Variants in AUTS2 observed in about 807,000 individuals in gnomAD.
The protein encoded by AUTS2 is autism susceptibility gene 2 protein.
In AUTS2, 17 loss-of-function variants were observed where a neutral mutation model predicts 112.4. The observed-to-expected ratio is 0.15, with a 90% CI of 0.10 to 0.23. The LOEUF (loss-of-function observed/expected upper bound fraction) is 0.23. AUTS2 is among the 10% of genes least tolerant of loss of function. The pLI, the probability that AUTS2 is intolerant of heterozygous loss-of-function variation, is 1.00. For synonymous variants in AUTS2, 751 were observed against 702.7 expected (o/e 1.07, Z -1.09); for missense variants, 1,510 against 1,701.6 (o/e 0.89, Z 1.98).
chr7:70,791,267 G>T lies in AUTS2; in HGVS notation c.*271G>T. The stretch of plus-strand genomic sequence containing the variant: ...ACTTTTTGATTTGAACCAAAACAGT[G>T]AAGATGACAACACACACCAATTGGA... On this transcript the variant is annotated 3_prime_UTR_variant, in exon 19 of 19. Transcript: ENST00000342771. 1.6e-5 allele frequency: 3 copies of T among 191,342 alleles called. No homozygotes were observed. Among genetic ancestry groups the T allele is most frequent in the East Asian group, 2.1e-4 (2 of 9,542 alleles). 11.9% of individuals were successfully genotyped at this position (191,342 alleles called of 1,614,324 possible). A position where few individuals can be genotyped will look rare whatever the true frequency, so the allele number is the denominator to read the frequency against.
intron 1 of AUTS2, among the ~76,000 whole-genome samples, chr7:69,660,749 A>G (rs775344475): frequency 1.3e-5 from 2 of 152,134 alleles, no homozygotes; most frequent in African/African-American, 2.4e-5. Context: ...TGGCTAACAC[A>G]GTGAAAACCC....
intron 4 of AUTS2, among the ~76,000 whole-genome samples, chr7:70,284,460 G>C (rs1788366200): frequency 6.6e-6 from 1 of 151,862 alleles, no homozygotes; most frequent in Admixed American, 6.6e-5. Flanking sequence ...TTCCTCATCT[G>C]TTCACCAATA....
intron 4 of AUTS2, among the ~76,000 whole-genome samples, chr7:70,168,787 A>G (rs557519585): frequency 2.5e-4 from 38 of 152,342 alleles, no homozygotes; most frequent in African/African-American, 9.1e-4. Context: ...ATAATGAAGA[A>G]TATAAAGTTC....
At chr7:69,864,663 AG>A (rs1309235360) in intron 1 of AUTS2, among the ~76,000 whole-genome samples, 2 of 152,170 alleles carry the variant, frequency 1.3e-5, no homozygotes, top group African/African-American at 4.8e-5. Flanking sequence ...GTATACTGAG[AG>A]GGAGAACATA....
intron 2 of AUTS2, among the ~76,000 whole-genome samples, chr7:70,089,052 A>G (rs190497472): frequency 2.3e-4 from 35 of 152,290 alleles, no homozygotes; most frequent in Admixed American, 2.2e-3. Flanking sequence ...TGTGTGCTTG[A>G]AAACAATGTA....
chr7:70,764,039 C>T (rs56209575), intron 7 of AUTS2, among the ~76,000 whole-genome samples: 53,741 of 152,082 alleles, frequency 0.35, 11,407 homozygotes, highest in Non-Finnish European at 0.49. Context: ...CAAGTAGAGC[C>T]GAGCCCTGGT....
At chr7:70,077,544 C>A (rs533071922) in intron 2 of AUTS2, among the ~76,000 whole-genome samples, 1 of 152,104 alleles carries the variant, frequency 6.6e-6, no homozygotes, top group East Asian at 1.9e-4. Context: ...GTTTGTTGAC[C>A]TAAAGTGAAT....
At chr7:69,954,230 T>TA (rs1260060366) in intron 2 of AUTS2, among the ~76,000 whole-genome samples, 1 of 152,196 alleles carries the variant, frequency 6.6e-6, no homozygotes, top group Non-Finnish European at 1.5e-5. Flanking sequence ...ATTTTATTTA[T>TA]GCCACATAGT....
At chr7:70,785,191 T>C (rs902078727) in intron 16 of AUTS2, among the ~76,000 whole-genome samples, 172 bp downstream of exon 16, 1 of 152,232 alleles carries the variant, frequency 6.6e-6, no homozygotes, top group African/African-American at 2.4e-5. Context: ...CCGTCCAGCT[T>C]CCAGATTTCA....
rs1806529015 is a variant in AUTS2, at chr7:70,135,854, C to G, written c.660+1283C>G. On this transcript the variant is annotated intron_variant, in intron 4 of 18. Transcript: ENST00000342771. ...AGCCCCATCTGGCATCTCTTCACACCAGGCTGGATGTAGGTTGAGATGCTG... is the reference window on the plus strand; with the variant it reads ...AGCCCCATCTGGCATCTCTTCACACGAGGCTGGATGTAGGTTGAGATGCTG... Among the ~76,000 whole-genome samples the G allele has an allele frequency of 2.0e-5, 3 of 152,122 alleles. No individual in the cohort carries two copies. In the South Asian group the frequency reaches 6.2e-4, roughly 32 times the overall value.
At chr7:70,474,108 C>A (rs545351575) in intron 5 of AUTS2, among the ~76,000 whole-genome samples, 1 of 152,298 alleles carries the variant, frequency 6.6e-6, no homozygotes, top group East Asian at 1.9e-4. Context: ...TATTCCAACC[C>A]CTGATGTACT....
chr7:70,663,182 G>A (rs563451497), intron 5 of AUTS2, among the ~76,000 whole-genome samples: 2 of 152,294 alleles, frequency 1.3e-5, no homozygotes, highest in South Asian at 2.1e-4. Context: ...ATCACTTGAG[G>A]CCAGGAGTTT....
intron 5 of AUTS2, among the ~76,000 whole-genome samples, chr7:70,641,725 A>T (rs990222270): frequency 1.3e-5 from 2 of 152,128 alleles, no homozygotes; most frequent in African/African-American, 2.4e-5. Context: ...TCAGACACCC[A>T]GCCTCATGTG....
intron 1 of AUTS2, among the ~76,000 whole-genome samples, chr7:69,684,828 TAATTA>T (rs990911659): frequency 1.3e-5 from 2 of 152,216 alleles, no homozygotes; most frequent in Non-Finnish European, 2.9e-5. Flanking sequence ...TCTTTGCACT[TAATTA>T]AATTAAAAGG....
At chr7:70,669,719 G>A (rs1408331582) in intron 5 of AUTS2, among the ~76,000 whole-genome samples, 1 of 152,206 alleles carries the variant, frequency 6.6e-6, no homozygotes, top group African/African-American at 2.4e-5. Context: ...GAGAGTTGAA[G>A]TCATCGTGTG....
At chr7:70,007,627 ATTAT>A (rs1296931763) in intron 2 of AUTS2, among the ~76,000 whole-genome samples, 1 of 152,100 alleles carries the variant, frequency 6.6e-6, no homozygotes, top group African/African-American at 2.4e-5. Flanking sequence ...TAAAGTAAGG[ATTAT>A]TTATTTTTAT....
chr7:70,540,585 C>T (rs1012059703), intron 5 of AUTS2, among the ~76,000 whole-genome samples: 17 of 152,160 alleles, frequency 1.1e-4, no homozygotes, highest in Admixed American at 9.8e-4. Flanking sequence ...TTGAAGATCA[C>T]GTGCTGTGTT....
intron 4 of AUTS2, among the ~76,000 whole-genome samples, chr7:70,370,795 G>T (rs1792803707): frequency 6.6e-6 from 1 of 151,630 alleles, no homozygotes; most frequent in South Asian, 2.1e-4. Context: ...CATCAGCAGT[G>T]TATGAGTGTT....
intron 1 of AUTS2, among the ~76,000 whole-genome samples, chr7:69,843,302 C>T (rs1336415452): frequency 1.3e-5 from 2 of 151,908 alleles, no homozygotes; most frequent in African/African-American, 4.8e-5. Context: ...TTCATTAGGT[C>T]CCAGGACTAG....
Sources: allele counts gnomAD v4.1 joint callset (sites outside exome capture counted in the v4.1 genomes callset), GRCh38; gene constraint gnomAD v4.1.1; transcripts MANE v1.5; gene names NCBI Gene and HGNC (gene_info 2026-07-23, HGNC 2026-07-21).